Variants in FAM227A observed in about 807,000 individuals in gnomAD.
FAM227A encodes family with sequence similarity 227 member A.
A neutral mutation model predicts 74.7 loss-of-function variants in FAM227A; 80 were observed. The ratio of observed to expected loss-of-function variants is 1.07; its 90% CI spans 0.89 to 1.29. FAM227A has a LOEUF of 1.29. FAM227A is among the 50% of genes most tolerant of loss of function. The pLI, the probability that FAM227A is intolerant of heterozygous loss-of-function variation, is 0.00. For synonymous variants in FAM227A, 237 were observed against 241.8 expected (o/e 0.98, Z 0.19); for missense variants, 654 against 683.4 (o/e 0.96, Z 0.48).
At chr22:38,592,101 AC>A (rs2146151634) in intron 15 of FAM227A, among the ~76,000 whole-genome samples, 1 of 152,034 alleles carries the variant, frequency 6.6e-6, no homozygotes, top group Non-Finnish European at 1.5e-5. Context: ...GGTGCATGCC[AC>A]CATGCCTAGC....
intron 5 of FAM227A, 121 bp from the exon 6 acceptor site, chr22:38,636,718 G>T: frequency 3.4e-6 from 3 of 885,360 alleles, no homozygotes; most frequent in Non-Finnish European, 4.9e-6. Flanking sequence ...TTGAGAAAAT[G>T]AGGGGTGTTT....
In FAM227A at chr22:38,582,704, C is replaced by T. The variant is rs2090726041; in HGVS notation, c.*3421G>A. 2.9e-6 allele frequency: 3 copies of T among 1,029,726 alleles called. No homozygotes were observed. The highest frequency in any genetic ancestry group is 3.2e-5 in the African/African-American group (2 of 62,470). The allele number at this position is 1,029,726 out of a possible 1,614,324, so 63.8% of individuals were successfully genotyped here. ...CTGACAGACAGAAATGCAGTTTGTC[C>T]TGGGCTTAGAAAATAAGGAGACCTT... is the stretch of plus-strand genomic sequence containing the variant. On this transcript the variant is annotated 3_prime_UTR_variant, in exon 17 of 17. Coordinates refer to ENST00000535113, the MANE Select transcript of FAM227A (RefSeq NM_001013647.2).
At chr22:38,652,090 G>A (rs931250590) in intron 1 of FAM227A, among the ~76,000 whole-genome samples, 90 of 152,128 alleles carry the variant, frequency 5.9e-4, no homozygotes, top group African/African-American at 2.0e-3. Flanking sequence ...GGAGGCTGAG[G>A]CAGGAGAATC....
chr22:38,651,597 G>A (rs768839167), intron 1 of FAM227A, among the ~76,000 whole-genome samples: 24 of 151,910 alleles, frequency 1.6e-4, no homozygotes, highest in Admixed American at 2.6e-4. Flanking sequence ...CCTGACCTCA[G>A]GTGATCCACC....
Position 38,636,444 on chromosome 22 carries a change from T to C in FAM227A, c.519+7A>G. 6.4e-7 allele frequency: 1 copy of C among 1,550,720 alleles called. No individual in the cohort carries two copies. Among genetic ancestry groups the C allele is most frequent in the Admixed American group, 2.0e-5 (1 of 50,874 alleles). On this transcript the variant is annotated splice_region_variant and intron_variant, in intron 6 of 16. Transcript: ENST00000535113. ...CAAACTCAGGGCAGGCACTGCTTTT[T>C]CCTCACCTTGCCACTAAGGCAGTCT...
At chr22:38,613,254 CATATATT>C (rs67683115) in intron 11 of FAM227A, among the ~76,000 whole-genome samples, 5,659 of 67,544 alleles carry the variant, frequency 0.084, 299 homozygotes, top group Non-Finnish European at 0.12. Flanking sequence ...TAATATATAA[CATATATT>C]ATAACATATA....
At chr22:38,652,537 G>A (rs1305405853) in intron 1 of FAM227A, among the ~76,000 whole-genome samples, 1 of 148,824 alleles carries the variant, frequency 6.7e-6, no homozygotes, top group Non-Finnish European at 1.5e-5. Context: ...GCAGTGAGCC[G>A]AGATCACGCC....
intron 16 of FAM227A, 120 bp downstream of exon 16, chr22:38,591,315 T>C (rs532644036): frequency 1.4e-6 from 2 of 1,425,170 alleles, no homozygotes; most frequent in East Asian, 2.6e-5. Context: ...AGAGTGAGAC[T>C]CTGTCTCAGT....
At chr22:38,630,144 G>A (rs1285392849) in intron 6 of FAM227A, among the ~76,000 whole-genome samples, 2 of 151,152 alleles carry the variant, frequency 1.3e-5, no homozygotes, top group East Asian at 3.9e-4. Flanking sequence ...CCATCAGGAA[G>A]CGTGCCTCTT....
At position 38,620,309 on chromosome 22, in the gene FAM227A, C is replaced by G; in HGVS notation, c.959-18G>C. Reference sequence around the variant, plus strand: ...CTCTCTCCCTATAGAAGGGGAAAAGCTGTTATTAATTCCTCTTGTCATGGG... The same window carrying G: ...CTCTCTCCCTATAGAAGGGGAAAAGGTGTTATTAATTCCTCTTGTCATGGG... On this transcript the variant is annotated intron_variant, in intron 10 of 16. Transcript: ENST00000535113. The G allele has an allele frequency of 6.5e-7, 1 of 1,529,100 alleles. No individual in the cohort carries two copies. The highest frequency in any genetic ancestry group is 1.2e-5 in the South Asian group (1 of 83,592). 94.7% of individuals were successfully genotyped at this position (1,529,100 alleles called of 1,614,324 possible).
chr22:38,608,793 CTTTTTTT>C (rs35393303), intron 11 of FAM227A, among the ~76,000 whole-genome samples: 7 of 97,028 alleles, frequency 7.2e-5, no homozygotes, highest in African/African-American at 2.9e-4. Context: ...ACCCTTGTTC[CTTTTTTT>C]TTTTTTTTTT....
chr22:38,619,616 G>A (rs1458470362), intron 11 of FAM227A, among the ~76,000 whole-genome samples: 1 of 152,198 alleles, frequency 6.6e-6, no homozygotes, highest in Admixed American at 6.5e-5. Flanking sequence ...GAGTCACTGT[G>A]CCTGGCCTGG....
At chr22:38,603,892 T>C (rs1344677289) in intron 13 of FAM227A, among the ~76,000 whole-genome samples, 1 of 152,056 alleles carries the variant, frequency 6.6e-6, no homozygotes, top group Non-Finnish European at 1.5e-5. Flanking sequence ...TATAAAATAT[T>C]GGGAAAAAAT....
At chr22:38,642,658 G>A (rs1160344936) in intron 3 of FAM227A, among the ~76,000 whole-genome samples, 4 of 152,226 alleles carry the variant, frequency 2.6e-5, no homozygotes, top group South Asian at 2.1e-4. Flanking sequence ...CAAAGAGGCC[G>A]GGCGTGGTGG....
At chr22:38,613,136 A>AT (rs2091464892) in intron 11 of FAM227A, among the ~76,000 whole-genome samples, 1 of 88,524 alleles carries the variant, frequency 1.1e-5, no homozygotes, top group Non-Finnish European at 2.0e-5. Context: ...TTATATATAT[A>AT]ATATATATAT....
At chr22:38,605,821 A>G (rs950436923) in intron 12 of FAM227A, among the ~76,000 whole-genome samples, 3 of 152,196 alleles carry the variant, frequency 2.0e-5, no homozygotes, top group Non-Finnish European at 4.4e-5. Flanking sequence ...GTGGTCCCCA[A>G]GCTTTTTCTT....
chr22:38,643,656 TTACA>T (rs2092164741), intron 3 of FAM227A, among the ~76,000 whole-genome samples: 1 of 152,170 alleles, frequency 6.6e-6, no homozygotes, highest in South Asian at 2.1e-4. Context: ...TGGTATTTAC[TTACA>T]TGAAGTGAAA....
In FAM227A at chr22:38,636,520, C is replaced by T. The variant is rs1479471967; in HGVS notation, c.450G>A (p.Pro150=). The T allele has an allele frequency of 2.0e-5, 31 of 1,551,548 alleles. No homozygotes were observed. Among genetic ancestry groups the T allele is most frequent in the South Asian group, 1.7e-4 (14 of 84,064 alleles). The change falls in exon 6 of 17, where the codon CCG becomes CCA. Residue 150 remains proline (P), a synonymous_variant. Transcript: ENST00000535113. ...NFNSSKPNKL[P]NGVDFCDMVG... is the part of the protein sequence containing the mutation. ...CCATGTCACAGAAGTCCACGCCATT[C>T]GGAAGCTTGTTTGGCTTGGAGCTGT... is the stretch of plus-strand genomic sequence containing the variant.
chr22:38,644,992 G>A (rs1018532796), intron 3 of FAM227A, among the ~76,000 whole-genome samples: 1 of 152,012 alleles, frequency 6.6e-6, no homozygotes, highest in African/African-American at 2.4e-5. Flanking sequence ...GGGAGGCTGA[G>A]GCAGGAAAAT....
Sources: allele counts gnomAD v4.1 joint callset (sites outside exome capture counted in the v4.1 genomes callset), GRCh38; gene constraint gnomAD v4.1.1; transcripts MANE v1.5; gene names NCBI Gene and HGNC (gene_info 2026-07-23, HGNC 2026-07-21).